INSL6: variants seen among roughly 807,000 people sequenced by gnomAD.
The protein encoded by INSL6 is insulin like 6.
INSL6 carries 16 observed loss-of-function variants against 9.4 expected under a neutral mutation model. The ratio of observed to expected loss-of-function variants is 1.70; its 90% CI spans 1.15 to 2.59. INSL6 has a LOEUF of 2.59. Among genes scored for constraint, INSL6 ranks in the 30% most tolerant of loss-of-function variants. The pLI is 0.00. For synonymous variants in INSL6, 154 were observed against 96.9 expected (o/e 1.59, Z -3.46); for missense variants, 391 against 257.3 (o/e 1.52, Z -3.56).
At chr9:5,138,115 T>A (rs896554687) in intron 2 of INSL6, among the ~76,000 whole-genome samples, 1 of 152,118 alleles carries the variant, frequency 6.6e-6, no homozygotes, top group African/African-American at 2.4e-5. Context: ...GAAATAGGAA[T>A]GCTTTTACAC....
the INSL6 span, among the ~76,000 whole-genome samples, chr9:5,038,660 T>C: frequency 6.6e-5 from 10 of 151,822 alleles, no homozygotes; most frequent in African/African-American, 1.9e-4. Flanking sequence ...ACATACCTAA[T>C]ATAAAAATCT....
chr9:5,134,910 G>A (rs1462884017), intron 2 of INSL6, among the ~76,000 whole-genome samples: 1 of 152,080 alleles, frequency 6.6e-6, no homozygotes, highest in Non-Finnish European at 1.5e-5. Flanking sequence ...ATAGAGTCAA[G>A]ACCCATCAGT....
chr9:5,060,028 A>G, the INSL6 span, among the ~76,000 whole-genome samples: 13,390 of 152,230 alleles, frequency 0.088, 1,761 homozygotes, highest in African/African-American at 0.29. Flanking sequence ...AAATTTTGCA[A>G]TGAAGTGAGT....
the INSL6 span, among the ~76,000 whole-genome samples, chr9:5,025,927 A>T: frequency 6.6e-6 from 1 of 152,338 alleles, no homozygotes; most frequent in Admixed American, 6.5e-5. Context: ...TTTCAAGTTT[A>T]TTGGCATAAT....
At chr9:5,079,743 C>G in the INSL6 span, among the ~76,000 whole-genome samples, 1 of 152,014 alleles carries the variant, frequency 6.6e-6, no homozygotes, top group South Asian at 2.1e-4. Flanking sequence ...TCACTTAAGC[C>G]CAAGAGGTCA....
the INSL6 span, chr9:5,080,757 T>G: frequency 8.7e-7 from 1 of 1,154,706 alleles, no homozygotes; most frequent in Non-Finnish European, 1.2e-6. Flanking sequence ...TTACTAATTT[T>G]TAATTCCTTT....
At chr9:5,066,781 G>T in the INSL6 span, 11 of 1,520,734 alleles carry the variant, frequency 7.2e-6, no homozygotes, top group African/African-American at 1.3e-4. Context: ...TTTGACTTTT[G>T]CTGTCGAGGT....
rs372515260 is a variant in INSL6 at position 5,140,854 on chromosome 9, C to T, written c.377-7262G>A. On this transcript the variant is annotated intron_variant, in intron 2 of 3. Transcript: ENST00000649639. Reference sequence around the variant, plus strand: ...CTAGTTATTTTTTCTGGTCTTCTCCCTCATCCCACCCTCCACCCTCTAATA... The same window carrying T: ...CTAGTTATTTTTTCTGGTCTTCTCCTTCATCCCACCCTCCACCCTCTAATA... 1.1e-4 allele frequency among the ~76,000 whole-genome samples: 16 copies of T among 152,014 alleles called. No homozygotes were observed. The East Asian group carries it at 2.7e-3, about 26-fold the overall frequency.
At chr9:5,170,905 A>G (rs1825167019) in intron 1 of INSL6, among the ~76,000 whole-genome samples, 2 of 152,184 alleles carry the variant, frequency 1.3e-5, no homozygotes, top group Non-Finnish European at 1.5e-5. Flanking sequence ...GAATTCTACC[A>G]AAAGTACAAA....
At chr9:5,076,845 G>A in the INSL6 span, among the ~76,000 whole-genome samples, 1 of 152,092 alleles carries the variant, frequency 6.6e-6, no homozygotes, top group Non-Finnish European at 1.5e-5. Flanking sequence ...CCTGTTATAT[G>A]GAGGTATCTG....
chr9:5,018,679 G>T, the INSL6 span, among the ~76,000 whole-genome samples: 1 of 152,122 alleles, frequency 6.6e-6, no homozygotes, highest in Non-Finnish European at 1.5e-5. Flanking sequence ...ACTCCCTCAA[G>T]CATTTCTTGT....
intron 2 of INSL6, among the ~76,000 whole-genome samples, chr9:5,155,758 G>C (rs11787793): frequency 6.8e-6 from 1 of 147,982 alleles, no homozygotes; most frequent in East Asian, 2.0e-4. Context: ...ATCACACACC[G>C]GGGCCTGTTT....
the INSL6 span, chr9:5,080,421 A>G: frequency 6.4e-7 from 1 of 1,555,086 alleles, no homozygotes; most frequent in Admixed American, 2.0e-5. Flanking sequence ...TCTATCTCTG[A>G]ACTTTCATAT....
intron 2 of INSL6, among the ~76,000 whole-genome samples, chr9:5,144,604 G>A (rs1432989040): frequency 6.6e-5 from 10 of 152,094 alleles, no homozygotes; most frequent in Non-Finnish European, 1.3e-4. Flanking sequence ...ATTATTGTGT[G>A]GCGGTCTAAG....
At chr9:5,102,791 A>G in the INSL6 span, among the ~76,000 whole-genome samples, 1 of 152,190 alleles carries the variant, frequency 6.6e-6, no homozygotes, top group Admixed American at 6.5e-5. Flanking sequence ...ATCCAGCCAC[A>G]CTAAGCTTCA....
At chr9:5,080,748 T>A in the INSL6 span, 30 of 1,229,380 alleles carry the variant, frequency 2.4e-5, no homozygotes, top group Middle Eastern at 2.1e-4. Context: ...AATGAATCAT[T>A]ACTAATTTTT....
chr9:5,184,236 G>C (rs967544329), intron 1 of INSL6, among the ~76,000 whole-genome samples: 3 of 152,152 alleles, frequency 2.0e-5, no homozygotes, highest in African/African-American at 4.8e-5. Flanking sequence ...TTTTTGGCAT[G>C]ATAGTTTACT....
intron 3 of INSL6, among the ~76,000 whole-genome samples, chr9:5,132,514 TAACAATCAGATTCTTAGTAAA>T (rs1420233347): frequency 6.6e-6 from 1 of 151,914 alleles, no homozygotes; most frequent in Admixed American, 6.6e-5. Flanking sequence ...CTTAGCTGTT[TAACAATCAGATTCTTAGTAAA>T]ACATTTTTTC....
chr9:5,168,379 C>T (rs1405211110), intron 1 of INSL6, among the ~76,000 whole-genome samples: 2 of 152,098 alleles, frequency 1.3e-5, no homozygotes, highest in African/African-American at 4.8e-5. Flanking sequence ...GAGAGGAAGA[C>T]AAGTAACCTG....
Sources: allele counts gnomAD v4.1 joint callset (sites outside exome capture counted in the v4.1 genomes callset), GRCh38; gene constraint gnomAD v4.1.1; transcripts MANE v1.5; gene names NCBI Gene and HGNC (gene_info 2026-07-23, HGNC 2026-07-21).